Variants in OPHN1 observed in about 807,000 individuals in gnomAD.
The protein encoded by OPHN1 is oligophrenin 1.
A neutral mutation model predicts 60.7 loss-of-function variants in OPHN1; 11 were observed. That is an observed-to-expected ratio of 0.18 (90% confidence interval 0.11 to 0.30). The LOEUF (loss-of-function observed/expected upper bound fraction) is 0.30, where lower values mean the gene tolerates loss of function less well. Among genes scored for constraint, OPHN1 ranks in the 10% least tolerant of loss-of-function variants. The probability of loss-of-function intolerance (pLI) is 1.00; values close to 1 mark genes in which losing one functional copy is unlikely to be tolerated. For synonymous variants in OPHN1, 226 were observed against 222.6 expected, an observed-to-expected ratio of 1.02 and a Z score of -0.14; for missense variants, 449 against 611.0, an observed-to-expected ratio of 0.73 and a Z score of 2.80.
intron 6 of OPHN1, 95 bp from the exon 7 acceptor site, chrX:68,214,067 A>T: frequency 1.8e-6 from 1 of 546,155 alleles, no homozygotes; most frequent in South Asian, 2.5e-5. Context: ...CTAGATGAGC[A>T]TTTAGCCACC....
chrX:68,071,661 T>G (rs769905594), intron 20 of OPHN1: 46 of 545,415 alleles, frequency 8.4e-5, no homozygotes, highest in Non-Finnish European at 1.4e-4. Flanking sequence ...CCTCTGGTTG[T>G]TTGTTATCTG....
At chrX:68,049,565 A>C (rs2076844136) in intron 23 of OPHN1, among the ~76,000 whole-genome samples, 1 of 111,408 alleles carries the variant, frequency 9.0e-6, no homozygotes, top group Non-Finnish European at 1.9e-5. Flanking sequence ...AGTCTCCTTA[A>C]CTGGTCTCCA....
At chrX:68,187,230 A>G (rs1602221854) in intron 15 of OPHN1, among the ~76,000 whole-genome samples, 1 of 111,889 alleles carries the variant, frequency 8.9e-6, no homozygotes, top group Non-Finnish European at 1.9e-5. Context: ...AATATCAGGA[A>G]CCTGGGAATA....
At chrX:68,121,882 C>T (rs2077152031) in intron 15 of OPHN1, among the ~76,000 whole-genome samples, 1 of 108,758 alleles carries the variant, frequency 9.2e-6, no homozygotes, top group Non-Finnish European at 1.9e-5. Flanking sequence ...GCCCCTTTTC[C>T]AGACTCTAGC....
intron 2 of OPHN1, among the ~76,000 whole-genome samples, chrX:68,429,351 G>A (rs371640820): frequency 6.3e-5 from 7 of 110,639 alleles, no homozygotes; most frequent in Non-Finnish European, 1.3e-4. Context: ...GCTTAAACCC[G>A]GGAGGCGGAG....
chrX:68,416,455 CA>C (rs1350633017), intron 2 of OPHN1, among the ~76,000 whole-genome samples: 1 of 111,009 alleles, frequency 9.0e-6, no homozygotes, highest in African/African-American at 3.3e-5. Flanking sequence ...GACAGACAGT[CA>C]AAAAGGATGA....
At chrX:68,200,615 T>C (rs1049646847) in intron 11 of OPHN1, among the ~76,000 whole-genome samples, 2 of 112,024 alleles carry the variant, frequency 1.8e-5, no homozygotes, top group Middle Eastern at 4.2e-3. Context: ...AGAAATGATA[T>C]AAATTCACAA....
At chrX:68,395,824 G>A (rs1051950470) in intron 2 of OPHN1, among the ~76,000 whole-genome samples, 8 of 110,506 alleles carry the variant, frequency 7.2e-5, no homozygotes, top group African/African-American at 9.9e-5. Flanking sequence ...GGGCTCAAGC[G>A]ATCCTCTTAC....
At chrX:68,235,862 G>A (rs189176544) in intron 5 of OPHN1, among the ~76,000 whole-genome samples, 1 of 108,761 alleles carries the variant, frequency 9.2e-6, no homozygotes, top group East Asian at 2.9e-4. Context: ...TGTTTCAGGC[G>A]GGGTGGACAG....
intron 20 of OPHN1, among the ~76,000 whole-genome samples, chrX:68,065,045 G>A (rs1311364303): frequency 9.0e-6 from 1 of 110,748 alleles, no homozygotes; most frequent in Non-Finnish European, 1.9e-5. Context: ...TAATGTAAAT[G>A]ATGAGTTAAT....
chrX:68,311,969 C>CA (rs1288504043), intron 2 of OPHN1, among the ~76,000 whole-genome samples: 1 of 110,234 alleles, frequency 9.1e-6, no homozygotes, highest in Non-Finnish European at 1.9e-5. Context: ...TGTTAGGCCA[C>CA]AAAACAAATG....
At chrX:68,078,894 G>A (rs1453556642) in intron 19 of OPHN1, among the ~76,000 whole-genome samples, 1 of 109,882 alleles carries the variant, frequency 9.1e-6, no homozygotes, top group Non-Finnish European at 1.9e-5. Flanking sequence ...GCTGAGGCAG[G>A]AGAATTGCTC....
In OPHN1 at chrX:68,317,591, G is replaced by A. The variant is rs201668504; in HGVS notation, c.155-18495C>T. 1.9e-3 allele frequency among the ~76,000 whole-genome samples: 153 copies of A among 82,082 alleles called. 8 individuals carry two copies. The highest frequency in any genetic ancestry group is 9.3e-3 in the African/African-American group (136 of 14,650). 71.3% of individuals were successfully genotyped at this position (82,082 alleles called of 115,157 possible). ...AGAAAGAAAGAGAAAGAAAGAAAGA[G>A]AGAGAAAGAAAAAAGAAAGGAGGGA... On this transcript the variant is annotated intron_variant, in intron 2 of 24. Transcript: ENST00000355520.
At chrX:68,311,727 C>A (rs2078174567) in intron 2 of OPHN1, among the ~76,000 whole-genome samples, 1 of 111,899 alleles carries the variant, frequency 8.9e-6, no homozygotes, top group Non-Finnish European at 1.9e-5. Context: ...GCCACCGTGC[C>A]TAGCTGGTGA....
intron 2 of OPHN1, among the ~76,000 whole-genome samples, chrX:68,397,524 A>ATT (rs753432008): frequency 3.2e-5 from 1 of 31,569 alleles, no homozygotes; most frequent in Non-Finnish European, 6.7e-5. Flanking sequence ...TTATTTATTT[A>ATT]TTTTTTTTTT....
chrX:68,085,706 C>CA (rs1171465790), intron 19 of OPHN1, among the ~76,000 whole-genome samples: 2 of 111,916 alleles, frequency 1.8e-5, no homozygotes, highest in African/African-American at 3.3e-5. Context: ...TCTCTTAACT[C>CA]ACTGTTGGCA....
chrX:68,344,232 C>T (rs1452613044), intron 2 of OPHN1, among the ~76,000 whole-genome samples: 2 of 111,573 alleles, frequency 1.8e-5, no homozygotes, highest in African/African-American at 6.5e-5. Flanking sequence ...CTATGAAAAC[C>T]CCATCCCTTT....
rs771927608 is a variant in OPHN1, at chrX:68,143,745, G to T, written c.1277-24413C>A. Among the ~76,000 whole-genome samples the T allele has an allele frequency of 6.3e-5, 7 of 111,581 alleles. No homozygotes were observed. The South Asian group carries it at 2.7e-3, about 43-fold the overall frequency. ...TGTGCTGTCACAAGCAATACTGGAG[G>T]AATTTTGTACATCCTGAGTGACTCC... On this transcript the variant is annotated intron_variant, in intron 15 of 24. Coordinates refer to ENST00000355520, the MANE Select transcript of OPHN1 (RefSeq NM_002547.3).
Position 68,111,819 on chromosome X carries a change from T to G in OPHN1, c.1526+35A>C, listed in dbSNP as rs757061129. On this transcript the variant is annotated intron_variant, in intron 18 of 24. Transcript: ENST00000355520. ...CCAACCACATGGGCCAGTCCTCTAA[T>G]AGGAACTTTTTCTGAAAATCCAGCA... The G allele has an allele frequency of 6.0e-6, 6 of 1,004,665 alleles. No homozygotes were observed. The East Asian group carries it at 1.8e-4, about 31-fold the overall frequency. The allele number at this position is 1,004,665 out of a possible 1,213,427, so 82.8% of individuals were successfully genotyped here. A position where few individuals can be genotyped will look rare whatever the true frequency, so the allele number is the denominator to read the frequency against.
Sources: allele counts gnomAD v4.1 joint callset (sites outside exome capture counted in the v4.1 genomes callset), GRCh38; gene constraint gnomAD v4.1.1; transcripts MANE v1.5; gene names NCBI Gene and HGNC (gene_info 2026-07-23, HGNC 2026-07-21).